Variants in COP1 observed in about 807,000 individuals in gnomAD.
COP1 encodes COP1 E3 ubiquitin ligase, also known as E3 ubiquitin-protein ligase COP1.
A neutral mutation model predicts 101.3 loss-of-function variants in COP1; 24 were observed. The observed-to-expected ratio is 0.24, with a 90% CI of 0.17 to 0.33. The LOEUF is 0.33. Ranked by LOEUF, COP1 falls within the 10% of genes least tolerant of loss-of-function variation. The pLI is 1.00. For missense variants in COP1, 663 were observed against 906.2 expected (o/e 0.73, Z 3.45); for synonymous variants, 347 against 341.9 (o/e 1.01, Z -0.17).
intron 15 of COP1, among the ~76,000 whole-genome samples, chr1:175,991,735 C>A (rs1658537422): frequency 6.6e-6 from 1 of 152,156 alleles, no homozygotes; most frequent in Non-Finnish European, 1.5e-5. Context: ...GCTTTTTAAA[C>A]TTTTTTGTTA....
At chr1:175,963,812 T>C (rs1225164273) in intron 18 of COP1, among the ~76,000 whole-genome samples, 1 of 152,180 alleles carries the variant, frequency 6.6e-6, no homozygotes, top group African/African-American at 2.4e-5. Context: ...TCAGGGGTAA[T>C]GATCTTATAA....
chr1:176,031,050 G>C (rs1218164157), intron 14 of COP1, among the ~76,000 whole-genome samples: 1 of 152,136 alleles, frequency 6.6e-6, no homozygotes, highest in Non-Finnish European at 1.5e-5. Context: ...TCAATAACCA[G>C]AAATTAGGAA....
chr1:176,087,101 A>C (rs1270927896), intron 9 of COP1, among the ~76,000 whole-genome samples: 1 of 152,216 alleles, frequency 6.6e-6, no homozygotes, highest in Non-Finnish European at 1.5e-5. Flanking sequence ...CTTATACAAA[A>C]ATTAATTTAA....
intron 11 of COP1, among the ~76,000 whole-genome samples, chr1:176,068,815 T>C (rs1488544689): frequency 6.6e-6 from 1 of 152,232 alleles, no homozygotes; most frequent in African/African-American, 2.4e-5. Flanking sequence ...TCTTCCACGT[T>C]TTATCCAGAG....
intron 6 of COP1, among the ~76,000 whole-genome samples, chr1:176,146,155 TAAATC>T (rs1691558169): frequency 6.6e-6 from 1 of 152,132 alleles, no homozygotes; most frequent in Non-Finnish European, 1.5e-5. Context: ...ATTTTAAAAT[TAAATC>T]AAATGAAACA....
At chr1:175,963,953 T>C (rs955551426) in intron 18 of COP1, among the ~76,000 whole-genome samples, 2 of 152,200 alleles carry the variant, frequency 1.3e-5, no homozygotes, top group African/African-American at 4.8e-5. Context: ...ACAAGTACAG[T>C]TGTCCAGTTA....
chr1:176,079,427 C>T (rs1678680218), intron 11 of COP1, among the ~76,000 whole-genome samples: 1 of 152,012 alleles, frequency 6.6e-6, no homozygotes. Context: ...GAGCTAAACA[C>T]TGAAGACACA....
At chr1:176,087,807 T>C (rs1198584994) in intron 9 of COP1, among the ~76,000 whole-genome samples, 4 of 152,184 alleles carry the variant, frequency 2.6e-5, no homozygotes, top group Non-Finnish European at 5.9e-5. Context: ...CATGCACATG[T>C]ATGTTTATTG....
chr1:176,043,714 T>C lies in COP1; in HGVS notation c.1526A>G (p.Tyr509Cys). The part of the protein sequence containing the change: ...DGFTGQRSKV[Y>C]QEHEKRCWSV... Reference sequence around the variant, plus strand: ...GTAACTAGTACCCTTATTTACCTGATAGACCTTTGACCTCTGTCCTGTGAA... The same window carrying C: ...GTAACTAGTACCCTTATTTACCTGACAGACCTTTGACCTCTGTCCTGTGAA... The change falls in exon 13 of 20, where the codon TAT (tyrosine) becomes TGT (cysteine). Residue 509 changes from tyrosine to cysteine, a missense_variant. Tyr to Cys is a radical substitution (Grantham distance 194, BLOSUM62 -2). Coordinates refer to ENST00000367669, the MANE Select transcript of COP1 (RefSeq NM_022457.7). 1 of 1,560,490 alleles carries C rather than the reference T, an allele frequency of 6.4e-7. No individual in the cohort carries two copies. Among genetic ancestry groups the C allele is most frequent in the Non-Finnish European group, 8.8e-7 (1 of 1,131,674 alleles).
At chr1:175,965,160 T>G (rs1011504230) in intron 18 of COP1, among the ~76,000 whole-genome samples, 1 of 152,174 alleles carries the variant, frequency 6.6e-6, no homozygotes, top group Non-Finnish European at 1.5e-5. Flanking sequence ...AAAACTAAAA[T>G]AGCTTCTCTC....
Position 176,013,937 on chromosome 1 carries a change from G to A in COP1, c.1729+13635C>T, listed in dbSNP as rs542607572. On this transcript the variant is annotated intron_variant, in intron 15 of 19. Transcript: ENST00000367669. ...AGCTGTATGAAAGATTACTCAGCCCGATTTTATAATCATTGATTAAGAGTT... is the reference window on the plus strand; with the variant it reads ...AGCTGTATGAAAGATTACTCAGCCCAATTTTATAATCATTGATTAAGAGTT... 1.0e-3 allele frequency among the ~76,000 whole-genome samples: 156 copies of A among 152,218 alleles called. No homozygotes were observed. In the South Asian group the frequency reaches 0.011, roughly 10 times the overall value.
In COP1 at chr1:176,002,642, T is replaced by C. The variant is rs1661992635; in HGVS notation, c.1730-13163A>G. Among the ~76,000 whole-genome samples the C allele has an allele frequency of 2.0e-5, 3 of 149,396 alleles. No homozygotes were observed. The Admixed American group carries it at 2.0e-4, about 10-fold the overall frequency. On this transcript the variant is annotated intron_variant, in intron 15 of 19. Transcript: ENST00000367669. ...TGTTCTTGTGATAGTTTACTGAGAATGATGATTTCCAATTTCATCTATGTC... is the reference window on the plus strand; with the variant it reads ...TGTTCTTGTGATAGTTTACTGAGAACGATGATTTCCAATTTCATCTATGTC...
chr1:175,951,462 A>ATATATATATATATATATAT (rs1491471530), intron 18 of COP1, among the ~76,000 whole-genome samples: 21 of 49,604 alleles, frequency 4.2e-4, no homozygotes, highest in African/African-American at 9.3e-4. Context: ...ATATATATAT[A>ATATATATATATATATATAT]AAAACTTCCA....
chr1:176,145,390 A>G (rs550811573), intron 6 of COP1, among the ~76,000 whole-genome samples: 95 of 14,000 alleles, frequency 6.8e-3, no homozygotes, highest in African/African-American at 0.011. Context: ...TGCTCATACA[A>G]TGCCTATGCC....
At chr1:176,052,353 G>A (rs779720260) in intron 11 of COP1, among the ~76,000 whole-genome samples, 2 of 152,072 alleles carry the variant, frequency 1.3e-5, no homozygotes, top group East Asian at 1.9e-4. Flanking sequence ...TATTTCCATC[G>A]TTAAGCAATG....
At chr1:176,053,007 G>A (rs1365508148) in intron 11 of COP1, among the ~76,000 whole-genome samples, 7 of 150,498 alleles carry the variant, frequency 4.7e-5, no homozygotes, top group Non-Finnish European at 7.4e-5. Flanking sequence ...ACAATGCTGG[G>A]GAAAAAAAAA....
intron 1 of COP1, among the ~76,000 whole-genome samples, chr1:176,195,726 C>G (rs1224062247): frequency 6.6e-6 from 1 of 152,198 alleles, no homozygotes; most frequent in East Asian, 1.9e-4. Context: ...GAAATCATGT[C>G]CTTTGTAGCA....
chr1:176,100,992 AGT>A (rs1218591625), intron 9 of COP1, among the ~76,000 whole-genome samples: 3 of 152,230 alleles, frequency 2.0e-5, no homozygotes, highest in Admixed American at 2.0e-4. Flanking sequence ...AGCATAGGTT[AGT>A]GTGACTGATT....
At chr1:176,127,615 A>ATATGTGTGTGTG (rs1162844895) in intron 8 of COP1, among the ~76,000 whole-genome samples, 6 of 149,628 alleles carry the variant, frequency 4.0e-5, no homozygotes, top group African/African-American at 1.5e-4. Flanking sequence ...GTGTGTGTGT[A>ATATGTGTGTGTG]TATATATATA....
Sources: allele counts gnomAD v4.1 joint callset (sites outside exome capture counted in the v4.1 genomes callset), GRCh38; gene constraint gnomAD v4.1.1; transcripts MANE v1.5; gene names NCBI Gene and HGNC (gene_info 2026-07-23, HGNC 2026-07-21).